The following PRH1 variants were observed in gnomAD, a reference collection of about 807,000 sequenced individuals.
PRH1 encodes the protein proline rich protein HaeIII subfamily 1, also known as salivary acidic proline-rich phosphoprotein 1/2.
Under a neutral mutation model 7.9 loss-of-function variants are expected in PRH1, and 7 were observed. That is an observed-to-expected ratio of 0.89 (90% CI 0.50 to 1.67). PRH1 has a LOEUF of 1.67. PRH1 is among the 40% of genes most tolerant of loss of function. The pLI is 0.00. For missense variants in PRH1, 109 were observed against 223.6 expected, an observed-to-expected ratio of 0.49 and a Z score of 3.27; for synonymous variants, 45 against 80.8, an observed-to-expected ratio of 0.56 and a Z score of 2.38.
intron 2 of PRH1, among the ~76,000 whole-genome samples, chr12:10,962,425 T>C (rs1441846881): frequency 6.6e-6 from 1 of 152,220 alleles, no homozygotes; most frequent in African/African-American, 2.4e-5. Context: ...CCATGTGATT[T>C]TGATGTTCCA....
At chr12:11,134,186 C>T (rs2136373822) in intron 1 of PRH1, 1 of 1,613,756 alleles carries the variant, frequency 6.2e-7, no homozygotes, top group East Asian at 2.2e-5. Context: ...AGCAAAATTT[C>T]CAATAACAAA....
chr12:11,002,789 T>G (rs952729983), intron 1 of PRH1, among the ~76,000 whole-genome samples: 4 of 152,056 alleles, frequency 2.6e-5, no homozygotes, highest in Non-Finnish European at 5.9e-5. Context: ...TCTAATACAG[T>G]TGAAAAATTT....
At chr12:10,931,408 G>T (rs1950211393) in intron 2 of PRH1, among the ~76,000 whole-genome samples, 1 of 152,076 alleles carries the variant, frequency 6.6e-6, no homozygotes, top group South Asian at 2.1e-4. Context: ...AGTTTTACCT[G>T]AACACTCCTT....
At chr12:10,885,458 C>A (rs1026557369), upstream of PRH1, among the ~76,000 whole-genome samples, 2 of 152,044 alleles carry the variant, frequency 1.3e-5, no homozygotes, top group Non-Finnish European at 2.9e-5. Context: ...GTGTGGTACT[C>A]CTCACTACCT....
intron 2 of PRH1, chr12:10,929,372 ATTGGG>A: frequency 6.2e-7 from 1 of 1,613,418 alleles, no homozygotes; most frequent in Non-Finnish European, 8.5e-7. Flanking sequence ...TGTGACTCTG[ATTGGG>A]GTTTACGGGC....
At chr12:11,056,619 A>G (rs1261579695) in intron 1 of PRH1, among the ~76,000 whole-genome samples, 2 of 152,162 alleles carry the variant, frequency 1.3e-5, no homozygotes, top group Non-Finnish European at 2.9e-5. Context: ...GGACTTCAAG[A>G]CCAGTATGGC....
At chr12:10,980,049 C>A (rs1316213292) in intron 1 of PRH1, among the ~76,000 whole-genome samples, 1 of 152,026 alleles carries the variant, frequency 6.6e-6, no homozygotes, top group Non-Finnish European at 1.5e-5. Context: ...GGGTTCTGAG[C>A]TGAAGGATTA....
intron 1 of PRH1, among the ~76,000 whole-genome samples, chr12:11,026,082 C>CTGGA (rs1455654882): frequency 6.6e-6 from 1 of 152,214 alleles, no homozygotes; most frequent in Admixed American, 6.5e-5. Context: ...GTTACCCAAG[C>CTGGA]TGGAGTACAG....
chr12:11,167,632 G>C (rs1947621133), intron 1 of PRH1, among the ~76,000 whole-genome samples: 1 of 151,984 alleles, frequency 6.6e-6, no homozygotes, highest in South Asian at 2.1e-4. Context: ...TTTTAGTAGA[G>C]AGACGGGGTT....
intron 2 of PRH1, chr12:10,930,790 G>C (rs1950196648): frequency 1.9e-6 from 3 of 1,610,672 alleles, no homozygotes; most frequent in Non-Finnish European, 2.5e-6. Flanking sequence ...ACCCCAACAA[G>C]GAGGCCAGCA....
At chr12:11,048,202 T>C (rs367930372), upstream of PRH1, 1 of 124,020 alleles carries the variant, frequency 8.1e-6, no homozygotes, top group African/African-American at 3.0e-5. Flanking sequence ...AGATGACTTT[T>C]CTAGGTATCT....
chr12:10,971,455 C>T (rs753471354), intron 2 of PRH1, among the ~76,000 whole-genome samples: 1 of 152,094 alleles, frequency 6.6e-6, no homozygotes, highest in Non-Finnish European at 1.5e-5. Context: ...ATTTTGATTA[C>T]TGTATAGTAC....
At chr12:10,924,312 C>T (rs1340414094) in intron 2 of PRH1, among the ~76,000 whole-genome samples, 1 of 152,152 alleles carries the variant, frequency 6.6e-6, no homozygotes, top group Non-Finnish European at 1.5e-5. Context: ...TTCTAAGTTT[C>T]TATTTTTATA....
intron 1 of PRH1, among the ~76,000 whole-genome samples, chr12:10,999,562 T>C (rs943846141): frequency 3.3e-5 from 5 of 152,054 alleles, no homozygotes; most frequent in Non-Finnish European, 4.4e-5. Flanking sequence ...AAAACAAAAA[T>C]AGGTAAGAGC....
At chr12:11,062,153 G>T (rs1040487604) in intron 1 of PRH1, 5 of 1,613,134 alleles carry the variant, frequency 3.1e-6, no homozygotes, top group Non-Finnish European at 4.2e-6. Context: ...AGAGCAGTGA[G>T]AATTTGGTCA....
In PRH1 at chr12:11,038,183, T is replaced by C. The variant is rs1162589924; in HGVS notation, c.-126+8837A>G. 2.6e-5 allele frequency among the ~76,000 whole-genome samples: 4 copies of C among 152,272 alleles called. No homozygotes were observed. In the East Asian group the frequency reaches 5.8e-4, roughly 22 times the overall value. ...ATCACCCTAATTTTATACTTAGAAA[T>C]ATACTTTATGTTTCTGCTTTTTTAA... On this transcript the variant is annotated intron_variant, in intron 1 of 3. Transcript: ENST00000539853.
intron 1 of PRH1, chr12:11,030,967 CCT>C: frequency 6.2e-7 from 1 of 1,614,274 alleles, no homozygotes; most frequent in Non-Finnish European, 8.5e-7. Flanking sequence ...TCTTAACTCT[CCT>C]CTTTAAGTGA....
intron 1 of PRH1, among the ~76,000 whole-genome samples, chr12:11,153,110 A>C (rs1455039323): frequency 6.6e-6 from 1 of 152,184 alleles, no homozygotes; most frequent in Non-Finnish European, 1.5e-5. Context: ...ACTTATAATC[A>C]AGTTCCTATA....
chr12:10,938,685 A>G (rs758285269), intron 2 of PRH1: 4 of 1,614,076 alleles, frequency 2.5e-6, no homozygotes, highest in Non-Finnish European at 3.4e-6. Context: ...AGACTGGAAA[A>G]TCGTGTAAAG....
Sources: allele counts gnomAD v4.1 joint callset (sites outside exome capture counted in the v4.1 genomes callset), GRCh38; gene constraint gnomAD v4.1.1; transcripts MANE v1.5; gene names NCBI Gene and HGNC (gene_info 2026-07-23, HGNC 2026-07-21).